The following COL14A1 variants were observed in gnomAD, a reference collection of about 807,000 sequenced individuals.
The protein encoded by COL14A1 is collagen type XIV alpha 1 chain, also known as collagen alpha-1(XIV) chain.
Under a neutral mutation model 230.3 loss-of-function variants are expected in COL14A1, and 136 were observed. That is an observed-to-expected ratio of 0.59 (90% confidence interval 0.51 to 0.68). COL14A1 has a LOEUF of 0.68. Ranked by LOEUF, COL14A1 falls within the 30% of genes least tolerant of loss-of-function variation. COL14A1 has a pLI of 0.00. For missense variants in COL14A1, 1,976 were observed against 2,215.8 expected, an observed-to-expected ratio of 0.89 and a Z score of 2.17; for synonymous variants, 792 against 784.1, an observed-to-expected ratio of 1.01 and a Z score of -0.17.
At position 120,127,134 on chromosome 8, in the gene COL14A1, C is replaced by T. The variant is rs561114363; in HGVS notation, c.-38+1794C>T. Among the ~76,000 whole-genome samples, 161 of 152,298 alleles carry T rather than the reference C, an allele frequency of 1.1e-3. 1 individual carries two copies. The highest frequency in any genetic ancestry group is 3.6e-3 in the African/African-American group (149 of 41,554). On this transcript the variant is annotated intron_variant, in intron 1 of 47. Transcript: ENST00000297848. ...CGTGTCTGTATGGATTTGCCTATTTCGGACATTTCATATAAATGGAAGAAT... is the reference window on the plus strand; with the variant it reads ...CGTGTCTGTATGGATTTGCCTATTTTGGACATTTCATATAAATGGAAGAAT...
rs920773030 is a variant in COL14A1 at position 120,373,012 on chromosome 8, A to C, written c.*1781A>C. On this transcript the variant is annotated 3_prime_UTR_variant, in exon 48 of 48. Coordinates refer to ENST00000297848, the MANE Select transcript of COL14A1 (RefSeq NM_021110.4). ...CATCAAGATGGCCTGACCCAGAGTC[A>C]CCTAAGAGAACTCTTCCAACTTAAA... Among the ~76,000 whole-genome samples, 3 of 152,170 alleles carry C rather than the reference A, an allele frequency of 2.0e-5. No homozygotes were observed.
intron 42 of COL14A1, among the ~76,000 whole-genome samples, chr8:120,340,031 G>T (rs1822233072): frequency 7.7e-6 from 1 of 129,960 alleles, no homozygotes; most frequent in African/African-American, 3.2e-5. Context: ...GAGGGAGACT[G>T]CGTCTCAAAA....
intron 25 of COL14A1, among the ~76,000 whole-genome samples, chr8:120,268,102 AG>A (rs1819551450): frequency 1.3e-5 from 2 of 151,882 alleles, no homozygotes; most frequent in South Asian, 4.1e-4. Flanking sequence ...CATTCATCCT[AG>A]GATGGCATGC....
At chr8:120,280,683 G>A (rs1820005691) in intron 29 of COL14A1, 28 bp from the exon 30 acceptor site, 1 of 1,609,872 alleles carries the variant, frequency 6.2e-7, no homozygotes, top group Non-Finnish European at 8.5e-7. Flanking sequence ...CCGAATTAGA[G>A]TTTTATTTTG....
intron 5 of COL14A1, among the ~76,000 whole-genome samples, chr8:120,193,092 A>G (rs201456276): frequency 4.7e-4 from 71 of 152,302 alleles, no homozygotes; most frequent in African/African-American, 1.4e-3. Flanking sequence ...CTGGTGAGGA[A>G]CTGCGTTCCT....
chr8:120,174,373 T>C (rs1816206458), intron 5 of COL14A1, among the ~76,000 whole-genome samples: 2 of 152,146 alleles, frequency 1.3e-5, no homozygotes, highest in African/African-American at 4.8e-5. Context: ...TAGCTATGTA[T>C]TCCTAAAGTG....
intron 19 of COL14A1, among the ~76,000 whole-genome samples, chr8:120,238,432 C>T (rs1428728297): frequency 6.6e-6 from 1 of 152,114 alleles, no homozygotes; most frequent in African/African-American, 2.4e-5. Context: ...CTACTCAAGC[C>T]TTACTAATGG....
At chr8:120,154,722 CAT>C (rs1220326353) in intron 2 of COL14A1, among the ~76,000 whole-genome samples, 1 of 152,048 alleles carries the variant, frequency 6.6e-6, no homozygotes, top group Non-Finnish European at 1.5e-5. Context: ...TTTGAACTGA[CAT>C]AAATTAATTT....
chr8:120,220,262 C>T lies in COL14A1; in HGVS notation c.1737+3772C>T, dbSNP rs187331812. On this transcript the variant is annotated intron_variant, in intron 14 of 47. Transcript: ENST00000297848. The stretch of plus-strand genomic sequence containing the variant: ...TGTCCCAATTAAAATCTGCTTAGTA[C>T]CCAACATGCAATTGATTTTTTTTTT... Among the ~76,000 whole-genome samples the T allele has an allele frequency of 4.6e-3, 684 of 149,678 alleles. 6 individuals carry two copies. Among genetic ancestry groups the T allele is most frequent in the African/African-American group, 0.016 (649 of 40,336 alleles).
chr8:120,363,551 C>T (rs1426825655), intron 45 of COL14A1, among the ~76,000 whole-genome samples: 2 of 152,148 alleles, frequency 1.3e-5, no homozygotes, highest in Non-Finnish European at 2.9e-5. Flanking sequence ...CAAACCTGCA[C>T]GTTCTGCCCA....
chr8:120,158,076 A>T (rs1815539307), intron 2 of COL14A1, 54 bp from the exon 3 acceptor site: 1 of 987,204 alleles, frequency 1.0e-6, no homozygotes, highest in Non-Finnish European at 1.6e-6. Context: ...CTGATTTAAC[A>T]AATAGAAGCT....
chr8:120,154,190 G>A (rs10808507), intron 2 of COL14A1, among the ~76,000 whole-genome samples: 121,617 of 152,120 alleles, frequency 0.8, 49,011 homozygotes, highest in African/African-American at 0.9. Flanking sequence ...TGACAAAACC[G>A]TAAGCGTTCA....
rs115676614 is a variant in COL14A1, at chr8:120,243,951, G to A, written c.2422G>A (p.Val808Met). The A allele has an allele frequency of 2.8e-5, 45 of 1,613,630 alleles. No individual in the cohort carries two copies. The African/African-American group carries it at 5.3e-4, about 19-fold the overall frequency. The change falls in exon 20 of 48, where the codon GTG becomes ATG. Residue 808 changes from valine to methionine, a missense_variant. Transcript: ENST00000297848. ...TCCTGATACTGAATACAAAGTCACA[G>A]TGACTCCCATCTACACGGATGGCGA... ...LLPDTEYKVT[V>M]TPIYTDGEGV... is the part of the protein sequence containing the mutation.
At chr8:120,313,353 C>CTT (rs1563732352) in intron 37 of COL14A1, among the ~76,000 whole-genome samples, 2 of 152,128 alleles carry the variant, frequency 1.3e-5, no homozygotes, top group Admixed American at 6.6e-5. Context: ...GAATGAGACT[C>CTT]TGTCTCAAAA....
intron 5 of COL14A1, among the ~76,000 whole-genome samples, chr8:120,177,694 C>CTACATA (rs141077116): frequency 7.7e-6 from 1 of 129,396 alleles, no homozygotes; most frequent in Admixed American, 8.2e-5. Flanking sequence ...TATAAAAAGA[C>CTACATA]TATATATATA....
chr8:120,349,635 A>G (rs1445244528), intron 45 of COL14A1, among the ~76,000 whole-genome samples: 1 of 142,508 alleles, frequency 7.0e-6, no homozygotes, highest in Non-Finnish European at 1.5e-5. Context: ...AAAGGGTATC[A>G]GCAATGGAAG....
intron 1 of COL14A1, among the ~76,000 whole-genome samples, chr8:120,131,269 T>A (rs530283405): frequency 6.6e-6 from 1 of 152,320 alleles, no homozygotes; most frequent in South Asian, 2.1e-4. Context: ...GGTAGTTTTT[T>A]AAGTTCTTTG....
intron 23 of COL14A1, among the ~76,000 whole-genome samples, chr8:120,255,782 TG>T (rs1268182374): frequency 6.8e-6 from 1 of 146,600 alleles, no homozygotes; most frequent in Non-Finnish European, 1.5e-5. Flanking sequence ...TTTTTCTTAG[TG>T]TTTTTTTTTT....
intron 43 of COL14A1, 28 bp downstream of exon 43, chr8:120,341,388 G>T (rs1563747401): frequency 4.3e-6 from 7 of 1,613,246 alleles, no homozygotes; most frequent in Non-Finnish European, 4.2e-6. Flanking sequence ...CTGCTTTCTG[G>T]CCCCAGCTTG....
Sources: gnomAD v4.1 joint callset for allele counts (sites outside exome capture counted in the v4.1 genomes callset) on GRCh38, gnomAD v4.1.1 for gene constraint, MANE v1.5 for transcripts, NCBI Gene and HGNC (gene_info 2026-07-23, HGNC 2026-07-21) for gene names.